PXN: variants seen among roughly 807,000 people sequenced by gnomAD.
PXN encodes the protein testicular tissue protein Li 134.
A neutral mutation model predicts 103.6 loss-of-function variants in PXN; 61 were observed. The ratio of observed to expected loss-of-function variants is 0.59; its 90% confidence interval spans 0.48 to 0.73. The LOEUF (loss-of-function observed/expected upper bound fraction) is 0.73, where lower values mean the gene tolerates loss of function less well. PXN is among the 30% of genes least tolerant of loss of function. The pLI is 0.00. For missense variants in PXN, 1,274 were observed against 1,460.3 expected (o/e 0.87, Z 2.08); for synonymous variants, 562 against 607.8 (o/e 0.92, Z 1.11).
chr12:120,213,737 C>G lies in PXN; in HGVS notation c.2979+105G>C. The G allele has an allele frequency of 2.1e-6, 3 of 1,446,978 alleles. No individual in the cohort carries two copies. The highest frequency in any genetic ancestry group is 1.3e-5 in the South Asian group (1 of 77,512). 89.6% of individuals were successfully genotyped at this position (1,446,978 alleles called of 1,614,324 possible). A position where few individuals can be genotyped will look rare whatever the true frequency, so the allele number is the denominator to read the frequency against. On this transcript the variant is annotated intron_variant, in intron 14 of 14. Coordinates refer to ENST00000637617, the MANE Select transcript of PXN (RefSeq NM_001385981.1). The surrounding 1 kb of genome is among the most constrained non-coding windows in gnomAD (Gnocchi z 4.2). ...CCTGCCTGCTCCCCCAATTAATAAC[C>G]CCAAATGAGGCCTCTGAGTTGGATC... is the stretch of plus-strand genomic sequence containing the variant.
At chr12:120,250,702 G>A (rs1287323809) in intron 1 of PXN, among the ~76,000 whole-genome samples, 11 of 152,128 alleles carry the variant, frequency 7.2e-5, no homozygotes, top group Admixed American at 6.5e-4. Flanking sequence ...CAGCCCAAGG[G>A]TGTGGCCATT....
intron 1 of PXN, among the ~76,000 whole-genome samples, chr12:120,245,847 A>T (rs1193419237): frequency 6.6e-6 from 1 of 152,120 alleles, no homozygotes; most frequent in African/African-American, 2.4e-5. Context: ...GGACAAACAT[A>T]AAAGGTGGAC....
chr12:120,263,698 G>A (rs778539910), intron 1 of PXN, among the ~76,000 whole-genome samples: 1 of 152,158 alleles, frequency 6.6e-6, no homozygotes, highest in Non-Finnish European at 1.5e-5. Flanking sequence ...CACAAATCGA[G>A]GTAGAGGGAA....
intron 1 of PXN, among the ~76,000 whole-genome samples, chr12:120,264,535 G>A (rs1014613634): frequency 6.6e-6 from 1 of 152,222 alleles, no homozygotes; most frequent in African/African-American, 2.4e-5. Flanking sequence ...ACCCCCTTGG[G>A]TTTAGAGTCG....
At position 120,215,345 on chromosome 12, in the gene PXN, G is replaced by T; in HGVS notation, c.2404-72C>A. Reference sequence around the variant, plus strand: ...CGGTGTCTGGCAGCACAGGGATGGGGGTACTTTTCTCCCTCCTGGACAGAT... The same window carrying T: ...CGGTGTCTGGCAGCACAGGGATGGGTGTACTTTTCTCCCTCCTGGACAGAT... On this transcript the variant is annotated intron_variant, in intron 10 of 14. Coordinates refer to ENST00000637617, the MANE Select transcript of PXN (RefSeq NM_001385981.1). This position sits in a 1 kb window ranked among gnomAD's most constrained non-coding sequence, Gnocchi z 4.9. 1 of 1,524,470 alleles carries T rather than the reference G, an allele frequency of 6.6e-7. No homozygotes were observed. The highest frequency in any genetic ancestry group is 8.8e-7 in the Non-Finnish European group (1 of 1,140,010). The allele number at this position is 1,524,470 out of a possible 1,614,324, so 94.4% of individuals were successfully genotyped here.
chr12:120,216,105 A>G lies in PXN; in HGVS notation c.2301+168T>C. On this transcript the variant is annotated intron_variant, in intron 9 of 14. Transcript: ENST00000637617. The surrounding 1 kb of genome is among the most constrained non-coding windows in gnomAD (Gnocchi z 5.1). ...CAGCGGACCTTCTGAGTGGGGGAAG[A>G]CCGGGGTCAAGGTTTACGGCAGGAC... 1 of 1,288,896 alleles carries G rather than the reference A, an allele frequency of 7.8e-7. No individual in the cohort carries two copies. Among genetic ancestry groups the G allele is most frequent in the Non-Finnish European group, 9.8e-7 (1 of 1,020,432 alleles). 79.8% of individuals were successfully genotyped at this position (1,288,896 alleles called of 1,614,324 possible).
chr12:120,259,634 AG>A (rs1422509918), intron 1 of PXN, among the ~76,000 whole-genome samples: 4 of 152,118 alleles, frequency 2.6e-5, no homozygotes, highest in Non-Finnish European at 5.9e-5. Context: ...CTCCCTGGAG[AG>A]GCCAGCCCTG....
At position 120,219,674 on chromosome 12, in the gene PXN, G is replaced by A. The variant is rs1033430102; in HGVS notation, c.1249C>T (p.Pro417Ser). ...GAAGGGCTGGCTGGTGGCCCCTGGG[G>A]CTCCCCAGGCTCTTGGAGAGCTGTG... Reference protein sequence around the residue: ...GSTALQEPGEPQGPPASPSCP... With the variant: ...GSTALQEPGESQGPPASPSCP... Residue 417 changes from proline (P) to serine (S), a missense_variant, in exon 7 of 15, where the codon CCC (proline) becomes TCC (serine). Coordinates refer to ENST00000637617, the MANE Select transcript of PXN (RefSeq NM_001385981.1). This position sits in a 1 kb window ranked among gnomAD's most constrained non-coding sequence, Gnocchi z 6.5. The A allele has an allele frequency of 3.8e-6, 6 of 1,587,080 alleles. No homozygotes were observed. Among genetic ancestry groups the A allele is most frequent in the Admixed American group, 3.5e-5 (2 of 57,850 alleles).
chr12:120,265,543 C>G lies in PXN; in HGVS notation c.13+74G>C. On this transcript the variant is annotated intron_variant, in intron 1 of 14. Transcript: ENST00000637617. This position sits in a 1 kb window ranked among gnomAD's most constrained non-coding sequence, Gnocchi z 5.7. The stretch of plus-strand genomic sequence containing the variant: ...GAGGGTGGGATCCCGCGGCCCCTGC[C>G]GCTCGCTGGCGCCCTCCTGGCCCCA... 6.9e-7 allele frequency: 1 copy of G among 1,449,714 alleles called. No individual in the cohort carries two copies. Among genetic ancestry groups the G allele is most frequent in the Non-Finnish European group, 9.0e-7 (1 of 1,105,348 alleles). The allele number at this position is 1,449,714 out of a possible 1,614,324, so 89.8% of individuals were successfully genotyped here.
At position 120,216,182 on chromosome 12, in the gene PXN, A is replaced by ATGTGTGTGTGCACG. The variant is rs1566362481; in HGVS notation, c.2301+77_2301+90dup. ...ATGGAGGGATGGAGGGTATCTGTGT[A>ATGTGTGTGTGCACG]TGTGTGTGTGCACGTGTGTGTGTGC... On this transcript the variant is annotated intron_variant, in intron 9 of 14. Coordinates refer to ENST00000637617, the MANE Select transcript of PXN (RefSeq NM_001385981.1). The surrounding 1 kb of genome is among the most constrained non-coding windows in gnomAD (Gnocchi z 5.1). The ATGTGTGTGTGCACG allele has an allele frequency of 1.6e-6, 2 of 1,274,352 alleles. No homozygotes were observed. The highest frequency in any genetic ancestry group is 1.5e-5 in the African/African-American group (1 of 64,774). The allele number at this position is 1,274,352 out of a possible 1,614,324, so 78.9% of individuals were successfully genotyped here.
Position 120,214,018 on chromosome 12 carries a change from G to A in PXN, c.2831-28C>T, listed in dbSNP as rs1159756111. The A allele has an allele frequency of 1.2e-6, 2 of 1,607,112 alleles. No homozygotes were observed. The highest frequency in any genetic ancestry group is 1.6e-4 in the Middle Eastern group (1 of 6,074). ...GGGGAGCGGGGGTTTTGGAGGCACA[G>A]TTCATTCCGGCTTCCAGAAGTGGAG... On this transcript the variant is annotated intron_variant, in intron 13 of 14. Transcript: ENST00000637617. This position sits in a 1 kb window ranked among gnomAD's most constrained non-coding sequence, Gnocchi z 5.0.
Position 120,216,785 on chromosome 12 carries a change from C to G in PXN, c.1992+56G>C. 6.3e-7 allele frequency: 1 copy of G among 1,582,612 alleles called. No homozygotes were observed. Among genetic ancestry groups the G allele is most frequent in the African/African-American group, 1.4e-5 (1 of 73,738 alleles). ...CCAGCACTGGGGCCAGGGAAGAACC[C>G]GGACCCCAGGTGCTTGGCTCTGGCC... On this transcript the variant is annotated intron_variant, in intron 8 of 14. Transcript: ENST00000637617. This position sits in a 1 kb window ranked among gnomAD's most constrained non-coding sequence, Gnocchi z 5.1.
rs973447185 is a variant in PXN at position 120,221,477 on chromosome 12, A to G, written c.831+146T>C. On this transcript the variant is annotated intron_variant, in intron 6 of 14. Transcript: ENST00000637617. This position sits in a 1 kb window ranked among gnomAD's most constrained non-coding sequence, Gnocchi z 6.6. Reference sequence around the variant, plus strand: ...CTCCCCATCTCCTGGCATCACAGCAAGGCCAGGGCATGACAGTGTCCCTGG... The same window carrying G: ...CTCCCCATCTCCTGGCATCACAGCAGGGCCAGGGCATGACAGTGTCCCTGG... The G allele has an allele frequency of 6.6e-6, 6 of 908,826 alleles. No homozygotes were observed. The highest frequency in any genetic ancestry group is 8.0e-6 in the Non-Finnish European group (5 of 628,670). The allele number at this position is 908,826 out of a possible 1,614,324, so 56.3% of individuals were successfully genotyped here.
At position 120,226,517 on chromosome 12, in the gene PXN, G is replaced by A. The variant is rs1886915984; in HGVS notation, c.14-2140C>T. ...CACCCAACAGAAGACAAATGGTCAGGCTTCCTTGTCAAACATTTTGAATCA... is the reference window on the plus strand; with the variant it reads ...CACCCAACAGAAGACAAATGGTCAGACTTCCTTGTCAAACATTTTGAATCA... On this transcript the variant is annotated intron_variant, in intron 1 of 14. Coordinates refer to ENST00000637617, the MANE Select transcript of PXN (RefSeq NM_001385981.1). 2.2e-5 allele frequency: 27 copies of A among 1,243,812 alleles called. No individual in the cohort carries two copies. The South Asian group carries it at 3.3e-4, about 15-fold the overall frequency. The allele number at this position is 1,243,812 out of a possible 1,614,324, so 77.0% of individuals were successfully genotyped here. A position where few individuals can be genotyped will look rare whatever the true frequency, so the allele number is the denominator to read the frequency against.
chr12:120,238,364 CTGAACGGAGG>C (rs1037627665), intron 1 of PXN, among the ~76,000 whole-genome samples: 1 of 152,180 alleles, frequency 6.6e-6, no homozygotes, highest in Non-Finnish European at 1.5e-5. Context: ...CATGGGTAAA[CTGAACGGAGG>C]TGCCTGTGCC....
At position 120,263,016 on chromosome 12, in the gene PXN, A is replaced by G. The variant is rs193229947; in HGVS notation, c.13+2601T>C. 4.6e-5 allele frequency among the ~76,000 whole-genome samples: 7 copies of G among 152,270 alleles called. No homozygotes were observed. The South Asian group carries it at 1.2e-3, about 27-fold the overall frequency. On this transcript the variant is annotated intron_variant, in intron 1 of 14. Transcript: ENST00000637617. ...GGAGAAGAGTTCCCCATTTTTTATT[A>G]GACCAAAAAACAAAGTCACAGAGGA...
Position 120,211,609 on chromosome 12 carries a change from A to G in PXN, c.*705T>C, listed in dbSNP as rs894853571. ...TCAAACCTCAGTGTAGAAATCTATC[A>G]AAGTCGGTACAGTGTCCAGGCACGC... On this transcript the variant is annotated 3_prime_UTR_variant, in exon 15 of 15. Coordinates refer to ENST00000637617, the MANE Select transcript of PXN (RefSeq NM_001385981.1). The G allele has an allele frequency of 4.2e-6, 1 of 239,586 alleles. No individual in the cohort carries two copies. Among genetic ancestry groups the G allele is most frequent in the African/African-American group, 2.2e-5 (1 of 45,220 alleles). 14.8% of individuals were successfully genotyped at this position (239,586 alleles called of 1,614,324 possible).
rs563293135 is a variant in PXN at position 120,222,993 on chromosome 12, G to A, written c.363C>T (p.Pro121=). The change falls in exon 4 of 15, where the codon CCC becomes CCT. Residue 121 remains proline, a synonymous_variant. Transcript: ENST00000637617. This position sits in a 1 kb window ranked among gnomAD's most constrained non-coding sequence, Gnocchi z 4.7. The part of the protein sequence containing the change: ...VGEEEHVYSF[P]NKQKSAEPSP... Reference sequence around the variant, plus strand: ...AAGGCTCAGCTGATTTCTGCTTGTTGGGGAAGCTTTGAGAGGCAAAGGAAA... The same window carrying A: ...AAGGCTCAGCTGATTTCTGCTTGTTAGGGAAGCTTTGAGAGGCAAAGGAAA... 2.2e-5 allele frequency: 36 copies of A among 1,613,948 alleles called. No homozygotes were observed. In the South Asian group the frequency reaches 3.8e-4, roughly 17 times the overall value.
intron 1 of PXN, among the ~76,000 whole-genome samples, chr12:120,242,608 A>C (rs1339133425): frequency 6.6e-6 from 1 of 152,100 alleles, no homozygotes; most frequent in Non-Finnish European, 1.5e-5. Context: ...TCTCATGGCC[A>C]AGTGTGGTGG....
Sources: allele counts gnomAD v4.1 joint callset (sites outside exome capture counted in the v4.1 genomes callset), GRCh38; gene constraint gnomAD v4.1.1; non-coding constraint Gnocchi (gnomAD v3.1); transcripts MANE v1.5; gene names NCBI Gene and HGNC (gene_info 2026-07-23, HGNC 2026-07-21).